Variants in PARN observed in about 807,000 individuals in gnomAD.
PARN encodes poly(A)-specific ribonuclease PARN.
PARN carries 71 observed loss-of-function variants against 102.8 expected under a neutral mutation model. That is an observed-to-expected ratio of 0.69 (90% confidence interval 0.57 to 0.84). PARN has a LOEUF of 0.84. PARN is among the 40% of genes least tolerant of loss of function. The pLI is 0.00. For synonymous variants in PARN, 261 were observed against 252.9 expected (o/e 1.03, Z -0.30); for missense variants, 782 against 760.9 (o/e 1.03, Z -0.33).
chr16:14,552,194 A>C lies in PARN; in HGVS notation c.1406-99T>G, dbSNP rs1967349188. The C allele has an allele frequency of 4.1e-6, 3 of 729,884 alleles. No individual in the cohort carries two copies. In the African/African-American group the frequency reaches 5.3e-5, roughly 13 times the overall value. 45.2% of individuals were successfully genotyped at this position (729,884 alleles called of 1,614,324 possible). ...ACATATTTCAGTATAGTCTATCTTT[A>C]AAGAGAGAGAAGGTGCTTATTTAAA... On this transcript the variant is annotated intron_variant, in intron 20 of 23. Transcript: ENST00000437198.
intron 1 of PARN, 90 bp downstream of exon 1, chr16:14,630,017 C>A (rs970034104): frequency 9.0e-6 from 11 of 1,220,622 alleles, no homozygotes; most frequent in African/African-American, 1.5e-5. Flanking sequence ...CAGCCCCAGG[C>A]CCAGCCAAAC....
At chr16:14,439,525 C>T (rs1960858275) in intron 23 of PARN, among the ~76,000 whole-genome samples, 1 of 152,094 alleles carries the variant, frequency 6.6e-6, no homozygotes, top group African/African-American at 2.4e-5. Flanking sequence ...CAAAGATTAA[C>T]TTGAATTGTA....
At chr16:14,472,363 C>T (rs1251736807) in intron 22 of PARN, among the ~76,000 whole-genome samples, 3 of 152,144 alleles carry the variant, frequency 2.0e-5, no homozygotes, top group African/African-American at 7.2e-5. Flanking sequence ...TCCTTTCTTA[C>T]AAGTGTGCAG....
chr16:14,626,064 T>C (rs921073949), intron 5 of PARN, among the ~76,000 whole-genome samples: 6 of 152,178 alleles, frequency 3.9e-5, no homozygotes, highest in Admixed American at 6.6e-5. Context: ...CTCCCTAATA[T>C]TGACCCATCA....
intron 22 of PARN, among the ~76,000 whole-genome samples, chr16:14,461,874 T>C (rs1219916169): frequency 6.6e-6 from 1 of 152,230 alleles, no homozygotes; most frequent in Admixed American, 6.5e-5. Context: ...TGTTTTGCTG[T>C]CTGAGTGAAT....
At chr16:14,483,498 C>T (rs1963490852) in intron 21 of PARN, among the ~76,000 whole-genome samples, 1 of 152,282 alleles carries the variant, frequency 6.6e-6, no homozygotes, top group East Asian at 1.9e-4. Flanking sequence ...TCTTATTACT[C>T]TGCATCTATT....
At chr16:14,495,974 A>G (rs1964293073) in intron 21 of PARN, among the ~76,000 whole-genome samples, 1 of 152,180 alleles carries the variant, frequency 6.6e-6, no homozygotes, top group Non-Finnish European at 1.5e-5. Flanking sequence ...GAAGACAGGA[A>G]GAGCAGAAGA....
At chr16:14,464,271 A>G (rs1336666832) in intron 22 of PARN, among the ~76,000 whole-genome samples, 3 of 152,232 alleles carry the variant, frequency 2.0e-5, no homozygotes, top group Admixed American at 2.0e-4. Flanking sequence ...AAAACTCATG[A>G]TAAAGAAGAA....
intron 22 of PARN, among the ~76,000 whole-genome samples, chr16:14,477,601 C>A (rs1291091246): frequency 2.0e-5 from 3 of 151,344 alleles, no homozygotes; most frequent in Non-Finnish European, 1.5e-5. Flanking sequence ...CATGGTGAAA[C>A]CTCATCTCTA....
In PARN at chr16:14,447,056, T is replaced by C. The variant is rs1178695130; in HGVS notation, c.1696A>G (p.Lys566Glu). Reference protein sequence around the residue: ...NSFTAPSTVGKRNLSPSQEEA... With the variant: ...NSFTAPSTVGERNLSPSQEEA... Reference sequence around the variant, plus strand: ...TCTTGACTAGGACTCAAATTTCTCTTTCCTACTGTGCTGGGAGCTGTAAAA... The same window carrying C: ...TCTTGACTAGGACTCAAATTTCTCTCTCCTACTGTGCTGGGAGCTGTAAAA... The change falls in exon 23 of 24, where the codon AAG (lysine) becomes GAG (glutamate). Residue 566 changes from lysine (K) to glutamate (E), a missense_variant. Coordinates refer to ENST00000437198, the MANE Select transcript of PARN (RefSeq NM_002582.4). 1 of 1,613,796 alleles carries C rather than the reference T, an allele frequency of 6.2e-7. No homozygotes were observed. The highest frequency in any genetic ancestry group is 2.2e-5 in the East Asian group (1 of 44,882).
At chr16:14,471,914 C>G (rs1377233591) in intron 22 of PARN, among the ~76,000 whole-genome samples, 1 of 152,156 alleles carries the variant, frequency 6.6e-6, no homozygotes, top group Non-Finnish European at 1.5e-5. Context: ...AATCTCCTTC[C>G]TTTTTAAGGC....
intron 21 of PARN, among the ~76,000 whole-genome samples, chr16:14,523,937 T>C (rs767551269): frequency 4.6e-5 from 7 of 152,150 alleles, no homozygotes; most frequent in East Asian, 1.9e-4. Context: ...GTATAGCCTA[T>C]TGATCCTAGG....
chr16:14,495,466 ACT>A (rs1964268515), intron 21 of PARN, among the ~76,000 whole-genome samples: 1 of 152,090 alleles, frequency 6.6e-6, no homozygotes, highest in Non-Finnish European at 1.5e-5. Context: ...ACAGAACAAG[ACT>A]CTGTCTCCAA....
intron 21 of PARN, among the ~76,000 whole-genome samples, chr16:14,491,188 C>T (rs1051450441): frequency 1.3e-5 from 2 of 151,118 alleles, no homozygotes; most frequent in African/African-American, 4.9e-5. Flanking sequence ...TCCATCCTTA[C>T]CCTGCTGACA....
Position 14,563,032 on chromosome 16 carries a change from G to C in PARN, c.1263-7323C>G, listed in dbSNP as rs1369151357. 6.6e-5 allele frequency among the ~76,000 whole-genome samples: 10 copies of C among 152,148 alleles called. No individual in the cohort carries two copies. In the East Asian group the frequency reaches 1.7e-3, roughly 26 times the overall value. ...TTCACGCAGCTATGCTCAAGAAAAC[G>C]AAGTATGATATTCAAAAATGCATGC... On this transcript the variant is annotated intron_variant, in intron 18 of 23. Coordinates refer to ENST00000437198, the MANE Select transcript of PARN (RefSeq NM_002582.4).
chr16:14,531,589 A>G (rs533493542), intron 21 of PARN, among the ~76,000 whole-genome samples: 2 of 152,334 alleles, frequency 1.3e-5, no homozygotes, highest in South Asian at 2.1e-4. Context: ...ACTAGAGTAC[A>G]TGCAAAGACT....
At chr16:14,541,912 C>T (rs1229863885) in intron 21 of PARN, among the ~76,000 whole-genome samples, 1 of 152,204 alleles carries the variant, frequency 6.6e-6, no homozygotes, top group Non-Finnish European at 1.5e-5. Context: ...ACTCAATATA[C>T]AAAGAACCAG....
At chr16:14,514,093 C>G (rs1036055198) in intron 21 of PARN, among the ~76,000 whole-genome samples, 5 of 152,044 alleles carry the variant, frequency 3.3e-5, no homozygotes, top group Admixed American at 6.5e-5. Context: ...GGGGTATGGA[C>G]AAAAGGAAAC....
chr16:14,436,970 C>T (rs1960733514), intron 23 of PARN, among the ~76,000 whole-genome samples, 198 bp from the exon 24 acceptor site: 1 of 152,192 alleles, frequency 6.6e-6, no homozygotes, highest in Non-Finnish European at 1.5e-5. Flanking sequence ...GAAAGTGAAA[C>T]CACAGAAACA....
Sources: gnomAD v4.1 joint callset for allele counts (sites outside exome capture counted in the v4.1 genomes callset) on GRCh38, gnomAD v4.1.1 for gene constraint, MANE v1.5 for transcripts, NCBI Gene and HGNC (gene_info 2026-07-23, HGNC 2026-07-21) for gene names.